The following MRPL44 variants were observed in gnomAD, a reference collection of about 807,000 sequenced individuals.
MRPL44 encodes mitochondrial ribosomal protein L44, also known as large ribosomal subunit protein mL44.
A neutral mutation model predicts 25.9 loss-of-function variants in MRPL44; 21 were observed. That is an observed-to-expected ratio of 0.81 (90% confidence interval 0.58 to 1.17). MRPL44 has a LOEUF of 1.17. Among genes scored for constraint, MRPL44 ranks in the 50% most tolerant of loss-of-function variants. The probability of loss-of-function intolerance (pLI) is 0.00; values close to 1 mark genes in which losing one functional copy is unlikely to be tolerated. For synonymous variants in MRPL44, 169 were observed against 151.0 expected (o/e 1.12, Z -0.87); for missense variants, 410 against 398.9 (o/e 1.03, Z -0.24).
At chr2:223,957,739 C>T in intron 1 of MRPL44, 88 bp downstream of exon 1, 1 of 1,417,910 alleles carries the variant, frequency 7.1e-7, no homozygotes, top group Non-Finnish European at 9.5e-7. Context: ...GGCTGATGCG[C>T]CCCTGGGTTA....
upstream of MRPL44, among the ~76,000 whole-genome samples, chr2:223,956,017 C>T (rs1689558879): frequency 6.6e-6 from 1 of 152,140 alleles, no homozygotes; most frequent in Admixed American, 6.5e-5. Context: ...CACAGAGACA[C>T]CTCATTTTAA....
intron 2 of MRPL44, among the ~76,000 whole-genome samples, chr2:223,962,187 T>C (rs748925988): frequency 2.0e-5 from 3 of 152,290 alleles, no homozygotes; most frequent in Non-Finnish European, 4.4e-5. Flanking sequence ...CATGTGTCAC[T>C]ATGCCCAGCT....
chr2:223,966,666 C>T (rs1342782891), intron 3 of MRPL44, among the ~76,000 whole-genome samples, 197 bp from the exon 4 acceptor site: 3 of 152,170 alleles, frequency 2.0e-5, no homozygotes, highest in Non-Finnish European at 4.4e-5. Flanking sequence ...GTAAGTGTAT[C>T]TTTGTCTAAT....
upstream of MRPL44, among the ~76,000 whole-genome samples, chr2:223,954,655 A>G (rs1340196698): frequency 6.6e-6 from 1 of 152,262 alleles, no homozygotes; most frequent in Admixed American, 6.5e-5. Flanking sequence ...ATCATAACAT[A>G]GCAGCTGACT....
upstream of MRPL44, chr2:223,957,364 C>T: frequency 7.0e-7 from 1 of 1,425,282 alleles, no homozygotes. Flanking sequence ...GGGCTGTCTC[C>T]GCCCCAGCCT....
Position 223,967,101 on chromosome 2 carries a change from C to G in MRPL44, c.*67C>G, listed in dbSNP as rs973406779. On this transcript the variant is annotated 3_prime_UTR_variant, in exon 4 of 4. Transcript: ENST00000258383. ...AGATAAATGTCAAAGGTGTTTCAAG[C>G]CAGACATTTTCACAATTGTGAAGAA... The G allele has an allele frequency of 1.4e-6, 2 of 1,401,576 alleles. No homozygotes were observed. The highest frequency in any genetic ancestry group is 2.9e-5 in the African/African-American group (2 of 69,200). The allele number at this position is 1,401,576 out of a possible 1,614,324, so 86.8% of individuals were successfully genotyped here. A position where few individuals can be genotyped will look rare whatever the true frequency, so the allele number is the denominator to read the frequency against.
At chr2:223,966,104 C>T (rs370322709) in intron 3 of MRPL44, among the ~76,000 whole-genome samples, 7 of 152,140 alleles carry the variant, frequency 4.6e-5, no homozygotes, top group East Asian at 1.9e-4. Context: ...GGTGCGTTGG[C>T]GGGCACCTGT....
chr2:223,966,730 A>G (rs2106120468), intron 3 of MRPL44, 133 bp from the exon 4 acceptor site: 4 of 671,388 alleles, frequency 6.0e-6, no homozygotes, highest in East Asian at 2.8e-5. Context: ...AAGATGATCT[A>G]TCAGAGCTAT....
intron 2 of MRPL44, 121 bp from the exon 3 acceptor site, chr2:223,963,635 A>T: frequency 1.7e-6 from 1 of 590,154 alleles, no homozygotes; most frequent in East Asian, 3.4e-5. Flanking sequence ...TTAAGTTTTA[A>T]ATTTCTGTTA....
At chr2:223,952,189 T>C in the MRPL44 span, among the ~76,000 whole-genome samples, 1 of 152,180 alleles carries the variant, frequency 6.6e-6, no homozygotes, top group African/African-American at 2.4e-5. Context: ...GTTTGTATGG[T>C]GGAGGCAGTG....
At position 223,960,006 on chromosome 2, in the gene MRPL44, C is replaced by T. The variant is rs369491695; in HGVS notation, c.648+4C>T. On this transcript the variant is annotated splice_donor_region_variant and intron_variant, in intron 2 of 3. Coordinates refer to ENST00000258383, the MANE Select transcript of MRPL44 (RefSeq NM_022915.5). ...GAGGACTGCACTTTTCATCAGGGTA[C>T]GTAACTATTAATTGGACATGCTTGA... 380 of 1,587,480 alleles carry T rather than the reference C, an allele frequency of 2.4e-4. 1 individual carries two copies. The highest frequency in any genetic ancestry group is 1.7e-3 in the Middle Eastern group (10 of 5,948).
At chr2:223,951,185 G>A in the MRPL44 span, among the ~76,000 whole-genome samples, 1 of 152,262 alleles carries the variant, frequency 6.6e-6, no homozygotes, top group African/African-American at 2.4e-5. Flanking sequence ...ATGACTGCAA[G>A]TTTCCATGAA....
At position 223,957,790 on chromosome 2, in the gene MRPL44, G is replaced by A; in HGVS notation, c.179+139G>A. ...GCGATGGAGACACCCGTGAGCTGTG[G>A]GCGCGGGGCCTGAGGCAAAAAAAAT... is the stretch of plus-strand genomic sequence containing the variant. On this transcript the variant is annotated intron_variant, in intron 1 of 3. Transcript: ENST00000258383. 4 of 1,028,704 alleles carry A rather than the reference G, an allele frequency of 3.9e-6. No individual in the cohort carries two copies. The East Asian group carries it at 7.9e-5, about 20-fold the overall frequency. 63.7% of individuals were successfully genotyped at this position (1,028,704 alleles called of 1,614,324 possible). A position where few individuals can be genotyped will look rare whatever the true frequency, so the allele number is the denominator to read the frequency against.
chr2:223,957,302 C>G, upstream of MRPL44: 2 of 748,110 alleles, frequency 2.7e-6, no homozygotes, highest in Non-Finnish European at 4.4e-6. Flanking sequence ...CCGCAATCAC[C>G]CCGCCCCGGG....
rs748269428 is a variant in MRPL44, at chr2:223,957,631, C to CCCG, written c.168_170dup (p.Pro57dup). The CCCG allele has an allele frequency of 6.2e-7, 1 of 1,608,300 alleles. No homozygotes were observed. The highest frequency in any genetic ancestry group is 8.5e-7 in the Non-Finnish European group (1 of 1,179,544). Reference sequence around the variant, plus strand: ...TAGAGCGGCAGCGCCTTCTGCGGTGCCCGCCGCCGCCCGTGCGCCGGTAGG... The same window carrying CCCG: ...TAGAGCGGCAGCGCCTTCTGCGGTGCCCGCCGCCGCCGCCCGTGCGCCGGTAGG... On this transcript the variant is annotated inframe_insertion, in exon 1 of 4. Coordinates refer to ENST00000258383, the MANE Select transcript of MRPL44 (RefSeq NM_022915.5).
the MRPL44 span, among the ~76,000 whole-genome samples, chr2:223,952,150 G>A: frequency 6.6e-6 from 1 of 152,208 alleles, no homozygotes; most frequent in Non-Finnish European, 1.5e-5. Flanking sequence ...ACATGTCCCA[G>A]ACTCCCTAAC....
chr2:223,963,466 A>G (rs572166357), intron 2 of MRPL44, among the ~76,000 whole-genome samples: 24 of 152,206 alleles, frequency 1.6e-4, no homozygotes, highest in Admixed American at 1.2e-3. Flanking sequence ...AAAAAATTAT[A>G]GGATTCTACC....
chr2:223,953,035 TTGAG>T (rs1363302160), upstream of MRPL44, among the ~76,000 whole-genome samples: 2 of 152,290 alleles, frequency 1.3e-5, no homozygotes. Context: ...ATTTCAGTAA[TTGAG>T]TATTTTCAAA....
chr2:223,959,783 C>T lies in MRPL44; in HGVS notation c.429C>T (p.Asp143=), dbSNP rs142200950. Residue 143 remains aspartate (D), a synonymous_variant, in exon 2 of 4, where the codon GAC becomes GAT. Coordinates refer to ENST00000258383, the MANE Select transcript of MRPL44 (RefSeq NM_022915.5). ...CTTGCCTTACACAGTTTCTTGAAGA[C>T]GAGTACCCAGACATGCCCACTGAAG... ...SQTCLTQFLE[D]EYPDMPTEGI... 22 of 1,614,084 alleles carry T rather than the reference C, an allele frequency of 1.4e-5. No individual in the cohort carries two copies. Among genetic ancestry groups the T allele is most frequent in the South Asian group, 5.5e-5 (5 of 91,086 alleles).
Sources: allele counts gnomAD v4.1 joint callset (sites outside exome capture counted in the v4.1 genomes callset), GRCh38; gene constraint gnomAD v4.1.1; transcripts MANE v1.5; gene names NCBI Gene and HGNC (gene_info 2026-07-23, HGNC 2026-07-21).